The following PUDP variants were observed in gnomAD, a reference collection of about 807,000 sequenced individuals.
The protein encoded by PUDP is pseudouridine-5'-phosphatase.
PUDP carries 8 observed loss-of-function variants against 9.4 expected under a neutral mutation model. That is an observed-to-expected ratio of 0.85 (90% CI 0.50 to 1.53). The LOEUF is 1.53. Ranked by LOEUF, PUDP falls within the 40% of genes most tolerant of loss-of-function variation. The probability of loss-of-function intolerance (pLI) is 0.00; values close to 1 mark genes in which losing one functional copy is unlikely to be tolerated. For synonymous variants in PUDP, 99 were observed against 80.7 expected, an observed-to-expected ratio of 1.23 and a Z score of -1.22; for missense variants, 188 against 189.7, an observed-to-expected ratio of 0.99 and a Z score of 0.05.
chrX:6,785,668 A>C (rs766519176), intron 3 of PUDP, among the ~76,000 whole-genome samples: 1 of 111,280 alleles, frequency 9.0e-6, no homozygotes, highest in African/African-American at 3.3e-5. Flanking sequence ...ATTTTTCCTA[A>C]ATATGTTCCA....
At chrX:6,835,866 C>T (rs1172236131) in intron 3 of PUDP, among the ~76,000 whole-genome samples, 1 of 96,845 alleles carries the variant, frequency 1.0e-5, no homozygotes, top group African/African-American at 4.1e-5. Flanking sequence ...GTGTGCACTG[C>T]CACTGGCTTT....
intron 3 of PUDP, among the ~76,000 whole-genome samples, chrX:7,068,639 G>C (rs751995978): frequency 4.4e-5 from 5 of 112,382 alleles, no homozygotes; most frequent in Admixed American, 9.4e-5. Flanking sequence ...CGGCATGTGA[G>C]GAGAGAGAAT....
At chrX:7,091,921 C>T (rs1050484903) in intron 2 of PUDP, among the ~76,000 whole-genome samples, 19 of 112,398 alleles carry the variant, frequency 1.7e-4, no homozygotes, top group Middle Eastern at 4.2e-3. Flanking sequence ...AACATAATAG[C>T]TCATTCAATT....
chrX:6,876,645 G>A (rs943230295), intron 3 of PUDP, among the ~76,000 whole-genome samples: 1 of 103,298 alleles, frequency 9.7e-6, no homozygotes, highest in Non-Finnish European at 1.9e-5. Flanking sequence ...TGTTATGTGT[G>A]TGTGTGTGTG....
At chrX:7,064,127 C>T (rs144360650) in intron 3 of PUDP, among the ~76,000 whole-genome samples, 2,044 of 111,356 alleles carry the variant, frequency 0.018, 25 homozygotes, top group Non-Finnish European at 0.029. Context: ...CAACGTTTCT[C>T]TTTATGTTGG....
chrX:7,075,851 G>A (rs1210481366), intron 3 of PUDP, among the ~76,000 whole-genome samples: 3 of 111,771 alleles, frequency 2.7e-5, no homozygotes, highest in Non-Finnish European at 5.6e-5. Context: ...CCTGAGCTCT[G>A]TCAGTCATGT....
At chrX:6,961,157 T>G (rs1928702031) in intron 3 of PUDP, among the ~76,000 whole-genome samples, 1 of 111,580 alleles carries the variant, frequency 9.0e-6, no homozygotes, top group Non-Finnish European at 1.9e-5. Flanking sequence ...CCCAGCACTT[T>G]GGGAGGACGA....
At chrX:6,729,101 C>T (rs762713228) in intron 3 of PUDP, among the ~76,000 whole-genome samples, 1 of 111,745 alleles carries the variant, frequency 8.9e-6, no homozygotes, top group East Asian at 2.8e-4. Flanking sequence ...ACTCTCAACA[C>T]GACTTATGTG....
intron 3 of PUDP, among the ~76,000 whole-genome samples, chrX:6,793,697 G>A (rs1043991822): frequency 6.3e-5 from 7 of 111,104 alleles, no homozygotes; most frequent in Admixed American, 5.8e-4. Context: ...CTGCTTGGAT[G>A]CCCACTCCCA....
At chrX:6,729,839 C>G (rs776397867) in intron 3 of PUDP, among the ~76,000 whole-genome samples, 3 of 111,198 alleles carry the variant, frequency 2.7e-5, no homozygotes, top group Non-Finnish European at 5.7e-5. Context: ...CTCTCTCTTA[C>G]GTGCCCACCT....
chrX:6,911,414 G>A (rs1191795058), intron 3 of PUDP, among the ~76,000 whole-genome samples: 2 of 110,462 alleles, frequency 1.8e-5, no homozygotes, highest in African/African-American at 3.3e-5. Flanking sequence ...GTCTGGTCTC[G>A]AACTCTTGAC....
chrX:6,832,523 C>T (rs62590417), intron 3 of PUDP, among the ~76,000 whole-genome samples: 6,485 of 111,751 alleles, frequency 0.058, 162 homozygotes, highest in South Asian at 0.08. Flanking sequence ...GGCATGTTAA[C>T]GGCAATCTCA....
chrX:7,083,882 C>G (rs1274924245), intron 2 of PUDP, among the ~76,000 whole-genome samples: 1 of 106,607 alleles, frequency 9.4e-6, no homozygotes, highest in East Asian at 2.9e-4. Flanking sequence ...CAGAGAAAGA[C>G]TGTCTCAACA....
chrX:6,872,048 G>A (rs1241486472), intron 3 of PUDP, among the ~76,000 whole-genome samples: 4 of 111,145 alleles, frequency 3.6e-5, no homozygotes, highest in Non-Finnish European at 5.7e-5. Context: ...GGAGCTTTCT[G>A]GGGTCTCTTT....
intron 1 of PUDP, among the ~76,000 whole-genome samples, chrX:7,113,837 C>T (rs1173084285): frequency 1.8e-5 from 2 of 111,896 alleles, no homozygotes; most frequent in African/African-American, 6.5e-5. Flanking sequence ...TTCTTGGACT[C>T]TGTCTTATTC....
Position 6,830,551 on chromosome X carries a change from T to C in PUDP, c.*248-124085A>G, listed in dbSNP as rs563763493. ...AGTAGAAGCAAGAGGAAAACCATTA[T>C]CGAATATCTAAGGATTCATTTTTTA... On this transcript the variant is annotated intron_variant and NMD_transcript_variant, in intron 3 of 3. Coordinates refer to the PUDP transcript ENST00000655425. 5.4e-5 allele frequency among the ~76,000 whole-genome samples: 6 copies of C among 112,149 alleles called. No homozygotes were observed. The East Asian group carries it at 1.1e-3, about 21-fold the overall frequency.
At chrX:6,872,879 C>T (rs146760190) in intron 3 of PUDP, among the ~76,000 whole-genome samples, 3 of 110,257 alleles carry the variant, frequency 2.7e-5, no homozygotes, top group Non-Finnish European at 3.8e-5. Context: ...GAAGATCTAG[C>T]GATACGAGGT....
chrX:6,753,587 C>T (rs956804288), intron 3 of PUDP, among the ~76,000 whole-genome samples: 10 of 112,167 alleles, frequency 8.9e-5, no homozygotes, highest in African/African-American at 3.2e-4. Context: ...TACATTCCCA[C>T]CAGCAGTGTG....
intron 1 of PUDP, among the ~76,000 whole-genome samples, chrX:7,115,500 G>C (rs962834457): frequency 4.4e-5 from 5 of 112,373 alleles, no homozygotes; most frequent in African/African-American, 1.6e-4. Context: ...CTTTCGGTCA[G>C]TAAGTAGCAC....
Sources: gnomAD v4.1 joint callset for allele counts (sites outside exome capture counted in the v4.1 genomes callset) on GRCh38, gnomAD v4.1.1 for gene constraint, MANE v1.5 for transcripts, NCBI Gene and HGNC (gene_info 2026-07-23, HGNC 2026-07-21) for gene names.